The following PTPRD variants were observed in gnomAD, a reference collection of about 807,000 sequenced individuals.
The protein encoded by PTPRD is protein tyrosine phosphatase receptor type D.
Under a neutral mutation model 214.5 loss-of-function variants are expected in PTPRD, and 34 were observed. The ratio of observed to expected loss-of-function variants is 0.16; its 90% CI spans 0.12 to 0.21. The LOEUF is 0.21. Among genes scored for constraint, PTPRD ranks in the 10% least tolerant of loss-of-function variants. The pLI is 1.00. For missense variants in PTPRD, 2,545 were observed against 2,398.7 expected (o/e 1.06, Z -1.27); for synonymous variants, 1,128 against 845.7 (o/e 1.33, Z -5.79).
Position 9,074,318 on chromosome 9 carries a change from AC to A in PTPRD, c.-142-55584del, listed in dbSNP as rs570710360. On this transcript the variant is annotated intron_variant, in intron 10 of 45. Coordinates refer to ENST00000381196, the MANE Select transcript of PTPRD (RefSeq NM_002839.4). ...GATAAGGAGTAGCACAGGGTATAAA[AC>A]AAGTAAAACACAATTTGTAAAAATG... 5.6e-3 allele frequency among the ~76,000 whole-genome samples: 852 copies of A among 152,254 alleles called. 4 individuals are homozygous for A. Among genetic ancestry groups the A allele is most frequent in the Non-Finnish European group, 7.3e-3 (496 of 67,996 alleles).
At chr9:8,742,941 G>A (rs868254662) in intron 11 of PTPRD, among the ~76,000 whole-genome samples, 1 of 152,022 alleles carries the variant, frequency 6.6e-6, no homozygotes, top group Non-Finnish European at 1.5e-5. Context: ...GTGACCCATG[G>A]CACCTAAGGG....
At chr9:8,964,929 T>A (rs1054655334) in intron 11 of PTPRD, among the ~76,000 whole-genome samples, 3 of 152,176 alleles carry the variant, frequency 2.0e-5, no homozygotes, top group African/African-American at 7.2e-5. Context: ...ATAATTTTGA[T>A]TTTTTAAAAA....
At chr9:10,322,855 C>G (rs1468078119) in intron 3 of PTPRD, among the ~76,000 whole-genome samples, 1 of 151,926 alleles carries the variant, frequency 6.6e-6, no homozygotes, top group Non-Finnish European at 1.5e-5. Flanking sequence ...GGGAGGGACT[C>G]CTCATCTGGG....
intron 11 of PTPRD, among the ~76,000 whole-genome samples, chr9:8,985,106 G>A (rs2099333255): frequency 6.6e-6 from 1 of 151,968 alleles, no homozygotes; most frequent in South Asian, 2.1e-4. Context: ...TTTCTTGTGC[G>A]ATCAGAAATG....
At chr9:9,594,182 C>T (rs1333549988) in intron 7 of PTPRD, among the ~76,000 whole-genome samples, 2 of 152,066 alleles carry the variant, frequency 1.3e-5, no homozygotes, top group South Asian at 2.1e-4. Flanking sequence ...AACTGAGCTA[C>T]ACATTTCCCA....
At chr9:9,234,449 C>A (rs1195047104) in intron 9 of PTPRD, among the ~76,000 whole-genome samples, 1 of 152,162 alleles carries the variant, frequency 6.6e-6, no homozygotes, top group African/African-American at 2.4e-5. Flanking sequence ...AGACATTTTC[C>A]CCATTGTCTT....
In PTPRD at chr9:8,777,072, C is replaced by T. The variant is rs568083984; in HGVS notation, c.-103-43126G>A. Among the ~76,000 whole-genome samples the T allele has an allele frequency of 4.0e-5, 6 of 151,520 alleles. No homozygotes were observed. The South Asian group carries it at 1.3e-3, about 32-fold the overall frequency. ...CACGGCTCACTGCTGCCTCAACCTC[C>T]TAGCCTCAAGAGATCTTCCACCTCA... On this transcript the variant is annotated intron_variant, in intron 11 of 45. Transcript: ENST00000381196.
chr9:9,127,059 C>T (rs1442909650), intron 10 of PTPRD, among the ~76,000 whole-genome samples: 1 of 151,344 alleles, frequency 6.6e-6, no homozygotes, highest in Non-Finnish European at 1.5e-5. Flanking sequence ...AAGGAACAAA[C>T]CCAGAACAGG....
intron 5 of PTPRD, among the ~76,000 whole-genome samples, chr9:9,835,173 A>G (rs940796654): frequency 2.0e-5 from 3 of 152,132 alleles, no homozygotes; most frequent in Non-Finnish European, 4.4e-5. Context: ...ACAAAATACA[A>G]GTATCTGCAA....
intron 42 of PTPRD, 60 bp downstream of exon 42, chr9:8,340,283 T>A (rs2132336746): frequency 6.7e-7 from 1 of 1,490,394 alleles, no homozygotes; most frequent in Non-Finnish European, 9.1e-7. Context: ...TGAAACAAAG[T>A]CTTCATTTCT....
chr9:10,181,321 C>T (rs896949525), intron 3 of PTPRD, among the ~76,000 whole-genome samples: 3 of 152,050 alleles, frequency 2.0e-5, no homozygotes, highest in South Asian at 4.1e-4. Flanking sequence ...ATAAAGGCTA[C>T]GACTAGCGTA....
chr9:10,593,983 G>A (rs1466158832), intron 2 of PTPRD, among the ~76,000 whole-genome samples: 2 of 151,822 alleles, frequency 1.3e-5, no homozygotes, highest in Non-Finnish European at 2.9e-5. Context: ...TCAGCACATA[G>A]CAACATTAAG....
intron 43 of PTPRD, among the ~76,000 whole-genome samples, chr9:8,335,305 G>A (rs1302291007): frequency 7.9e-5 from 12 of 151,768 alleles, no homozygotes; most frequent in Admixed American, 6.6e-5. Flanking sequence ...CGATCAAGTC[G>A]GCTTCATCCC....
intron 8 of PTPRD, among the ~76,000 whole-genome samples, chr9:9,457,125 G>C (rs2093120598): frequency 6.6e-6 from 1 of 151,994 alleles, no homozygotes; most frequent in East Asian, 1.9e-4. Flanking sequence ...TGAAGTACTA[G>C]GTGAAGTACA....
intron 7 of PTPRD, among the ~76,000 whole-genome samples, chr9:9,661,934 G>T (rs546070276): frequency 2.0e-5 from 3 of 151,654 alleles, no homozygotes; most frequent in African/African-American, 7.2e-5. Context: ...TTAATCATCT[G>T]AACTCTGAAG....
At chr9:10,103,249 A>G (rs975667208) in intron 3 of PTPRD, among the ~76,000 whole-genome samples, 1 of 151,134 alleles carries the variant, frequency 6.6e-6, no homozygotes, top group South Asian at 2.1e-4. Context: ...TTTTAAGTAA[A>G]TCTGGAGTTC....
intron 7 of PTPRD, among the ~76,000 whole-genome samples, chr9:9,702,213 T>C (rs1033715558): frequency 6.6e-6 from 1 of 152,164 alleles, no homozygotes; most frequent in Non-Finnish European, 1.5e-5. Flanking sequence ...ATGGGAGTCA[T>C]ATGAACGAAG....
chr9:9,661,679 C>T (rs988079149), intron 7 of PTPRD, among the ~76,000 whole-genome samples: 1 of 151,704 alleles, frequency 6.6e-6, no homozygotes, highest in African/African-American at 2.4e-5. Flanking sequence ...TAGGGTCTTG[C>T]AAATAGCACT....
At chr9:9,590,820 T>C (rs750452271) in intron 7 of PTPRD, among the ~76,000 whole-genome samples, 13 of 152,044 alleles carry the variant, frequency 8.6e-5, no homozygotes, top group Non-Finnish European at 1.3e-4. Flanking sequence ...TTAATGAAAG[T>C]CCCTTAGAGG....
Sources: allele counts gnomAD v4.1 joint callset (sites outside exome capture counted in the v4.1 genomes callset), GRCh38; gene constraint gnomAD v4.1.1; transcripts MANE v1.5; gene names NCBI Gene and HGNC (gene_info 2026-07-23, HGNC 2026-07-21).